The following DPP6 variants were observed in gnomAD, a reference collection of about 807,000 sequenced individuals.
DPP6 encodes the protein A-type potassium channel modulatory protein DPP6.
DPP6 carries 69 observed loss-of-function variants against 122.6 expected under a neutral mutation model. That is an observed-to-expected ratio of 0.56 (90% CI 0.46 to 0.69). DPP6 has a LOEUF of 0.69. Among genes scored for constraint, DPP6 ranks in the 30% least tolerant of loss-of-function variants. The probability of loss-of-function intolerance (pLI) is 0.00; values close to 1 mark genes in which losing one functional copy is unlikely to be tolerated. For missense variants in DPP6, 928 were observed against 1,116.9 expected (o/e 0.83, Z 2.41); for synonymous variants, 418 against 433.1 (o/e 0.97, Z 0.43).
chr7:153,946,296 C>T (rs931215613), intron 1 of DPP6, among the ~76,000 whole-genome samples: 1 of 152,174 alleles, frequency 6.6e-6, no homozygotes, highest in Non-Finnish European at 1.5e-5. Flanking sequence ...ATATGCTAAA[C>T]AAGGGCTGGA....
At chr7:154,076,602 A>G (rs1160573628) in intron 1 of DPP6, among the ~76,000 whole-genome samples, 2 of 150,404 alleles carry the variant, frequency 1.3e-5, no homozygotes, top group African/African-American at 2.5e-5. Flanking sequence ...AATGAAAAGA[A>G]AATGGGGACA....
In DPP6 at chr7:154,826,767, T is replaced by TA. The variant is rs1458369525; in HGVS notation, c.1666+19658dup. On this transcript the variant is annotated intron_variant, in intron 16 of 25. Coordinates refer to ENST00000377770, the MANE Select transcript of DPP6 (RefSeq NM_130797.4). ...CTGCAGCTTTTTCTCTTAATGGAGA[T>TA]AAAGTAGGATCATCCATGTGCTTAA... Among the ~76,000 whole-genome samples the TA allele has an allele frequency of 9.9e-5, 15 of 152,196 alleles. 1 individual carries two copies. Among genetic ancestry groups the TA allele is most frequent in the African/African-American group, 2.7e-4 (11 of 41,436 alleles).
At chr7:154,156,421 A>C (rs1244683835) in intron 1 of DPP6, among the ~76,000 whole-genome samples, 1 of 152,180 alleles carries the variant, frequency 6.6e-6, no homozygotes, top group Non-Finnish European at 1.5e-5. Flanking sequence ...CCAAAATACA[A>C]ATCTCTTTTA....
chr7:153,994,801 A>G (rs898450886), intron 1 of DPP6, among the ~76,000 whole-genome samples: 1 of 152,146 alleles, frequency 6.6e-6, no homozygotes, highest in Non-Finnish European at 1.5e-5. Context: ...TGTAGTGCCT[A>G]TGAAAGACTA....
At chr7:153,868,798 A>G in the DPP6 span, among the ~76,000 whole-genome samples, 2 of 151,948 alleles carry the variant, frequency 1.3e-5, no homozygotes, top group African/African-American at 4.8e-5. Flanking sequence ...TAGTGCTATA[A>G]ATTTCCCTCT....
At chr7:153,856,597 G>T in the DPP6 span, among the ~76,000 whole-genome samples, 1 of 152,146 alleles carries the variant, frequency 6.6e-6, no homozygotes, top group Non-Finnish European at 1.5e-5. Context: ...TCTTTACTGT[G>T]GGATTTCATA....
chr7:153,790,897 A>G, the DPP6 span, among the ~76,000 whole-genome samples: 1 of 152,186 alleles, frequency 6.6e-6, no homozygotes, highest in East Asian at 1.9e-4. Flanking sequence ...TTTCCTAACA[A>G]AGGTGTCTGG....
chr7:154,887,583 C>G, intron 22 of DPP6, 93 bp from the exon 23 acceptor site: 1 of 1,305,286 alleles, frequency 7.7e-7, no homozygotes, highest in East Asian at 2.3e-5. Context: ...GTCCTCACCC[C>G]GCACCCGGTC....
intron 7 of DPP6, among the ~76,000 whole-genome samples, chr7:154,682,759 A>C (rs927128914): frequency 3.9e-5 from 6 of 152,212 alleles, no homozygotes; most frequent in Non-Finnish European, 8.8e-5. Flanking sequence ...TCAATACTGG[A>C]TACTAACGTA....
At chr7:154,834,205 C>G (rs1293469554) in intron 16 of DPP6, among the ~76,000 whole-genome samples, 1 of 151,844 alleles carries the variant, frequency 6.6e-6, no homozygotes, top group Non-Finnish European at 1.5e-5. Flanking sequence ...CAGTGGCTCA[C>G]TCCTGTAATC....
In DPP6 at chr7:154,281,370, C is replaced by T. The variant is rs144188905; in HGVS notation, c.244-164844C>T. Among the ~76,000 whole-genome samples, 1,419 of 152,120 alleles carry T rather than the reference C, an allele frequency of 9.3e-3. 27 individuals carry two copies. Among genetic ancestry groups the T allele is most frequent in the African/African-American group, 0.032 (1,321 of 41,504 alleles). On this transcript the variant is annotated intron_variant, in intron 1 of 25. Transcript: ENST00000377770. ...CCTCTAAATAAAATGGGTGCATCCTCTACAAGGCCCAGGATGTGGTGGGCT... is the reference window on the plus strand; with the variant it reads ...CCTCTAAATAAAATGGGTGCATCCTTTACAAGGCCCAGGATGTGGTGGGCT...
chr7:154,060,141 C>T (rs1245220792), intron 1 of DPP6, among the ~76,000 whole-genome samples: 1 of 148,962 alleles, frequency 6.7e-6, no homozygotes, highest in African/African-American at 2.5e-5. Context: ...CACCTTTCCT[C>T]CCCTGGCTCT....
chr7:154,361,473 A>G (rs577911957), intron 1 of DPP6, among the ~76,000 whole-genome samples: 1 of 152,312 alleles, frequency 6.6e-6, no homozygotes, highest in South Asian at 2.1e-4. Flanking sequence ...TAGAAAATGC[A>G]TGTGAGATGA....
chr7:154,791,361 C>G (rs1160662453), intron 10 of DPP6, among the ~76,000 whole-genome samples: 2 of 152,130 alleles, frequency 1.3e-5, no homozygotes, highest in Non-Finnish European at 2.9e-5. Flanking sequence ...CTGGGGAGGC[C>G]TCACAATCAT....
chr7:154,283,724 C>A (rs1804675107), intron 1 of DPP6, among the ~76,000 whole-genome samples: 1 of 152,136 alleles, frequency 6.6e-6, no homozygotes, highest in Non-Finnish European at 1.5e-5. Context: ...CTTGGATGGG[C>A]AAGTAAGACT....
At position 154,053,018 on chromosome 7, in the gene DPP6, GC is replaced by G; in HGVS notation, c.202del (p.Arg68GlyfsTer29). 9.4e-7 allele frequency: 1 copy of G among 1,059,366 alleles called. No individual in the cohort carries two copies. Among genetic ancestry groups the G allele is most frequent in the Non-Finnish European group, 1.1e-6 (1 of 877,348 alleles). 65.6% of individuals were successfully genotyped at this position (1,059,366 alleles called of 1,614,324 possible). A position where few individuals can be genotyped will look rare whatever the true frequency, so the allele number is the denominator to read the frequency against. On this transcript the variant is annotated frameshift_variant, in exon 1 of 26. Coordinates refer to ENST00000377770, the MANE Select transcript of DPP6 (RefSeq NM_130797.4). LOFTEE classifies it high-confidence loss of function. The part of the protein sequence containing the change: ...GGGGGGAGGR[P>X]RFQYQARSDG... ...GCGGCGGCGGCGGCGCGGGTGGCCGGCCCCGGTTCCAGTACCAGGCGCGGAG... is the reference window on the plus strand; with the variant it reads ...GCGGCGGCGGCGGCGCGGGTGGCCGGCCCGGTTCCAGTACCAGGCGCGGAG...
At chr7:154,267,420 A>G (rs1803493107) in intron 1 of DPP6, among the ~76,000 whole-genome samples, 1 of 148,674 alleles carries the variant, frequency 6.7e-6, no homozygotes, top group African/African-American at 2.5e-5. Context: ...CCTTATACAC[A>G]TATACATATA....
chr7:154,321,742 G>A (rs1389884609), intron 1 of DPP6, among the ~76,000 whole-genome samples: 2 of 141,938 alleles, frequency 1.4e-5, no homozygotes, highest in Non-Finnish European at 3.0e-5. Context: ...CTAAGATTGC[G>A]CCACTGCACT....
chr7:154,027,462 C>T (rs1799002927), intron 1 of DPP6, among the ~76,000 whole-genome samples: 2 of 152,270 alleles, frequency 1.3e-5, no homozygotes, highest in Middle Eastern at 3.4e-3. Flanking sequence ...GCTGTGTCCT[C>T]ATGTGGTGGA....
Sources: allele counts gnomAD v4.1 joint callset (sites outside exome capture counted in the v4.1 genomes callset), GRCh38; gene constraint gnomAD v4.1.1; transcripts MANE v1.5; gene names NCBI Gene and HGNC (gene_info 2026-07-23, HGNC 2026-07-21).